The following ISM1 variants were observed in gnomAD, a reference collection of about 807,000 sequenced individuals.
ISM1 encodes isthmin 1, also known as isthmin-1.
A neutral mutation model predicts 46.3 loss-of-function variants in ISM1; 25 were observed. The ratio of observed to expected loss-of-function variants is 0.54; its 90% CI spans 0.39 to 0.75. ISM1 has a LOEUF of 0.75. Among genes scored for constraint, ISM1 ranks in the 30% least tolerant of loss-of-function variants. The pLI is 0.00. For synonymous variants in ISM1, 255 were observed against 256.7 expected, an observed-to-expected ratio of 0.99 and a Z score of 0.06; for missense variants, 536 against 625.4, an observed-to-expected ratio of 0.86 and a Z score of 1.52.
In ISM1 at chr20:13,250,354, C is replaced by G. The variant is rs577869751; in HGVS notation, c.139-20150C>G. On this transcript the variant is annotated intron_variant, in intron 1 of 5. Transcript: ENST00000262487. ...AAACTCCTTTGATAAGGCTCAGAGT[C>G]GATTCAGCTTGCGGAGAATTTCACA... Among the ~76,000 whole-genome samples the G allele has an allele frequency of 7.6e-4, 115 of 152,230 alleles. 1 individual carries two copies. The highest frequency in any genetic ancestry group is 2.6e-3 in the African/African-American group (110 of 41,536).
intron 3 of ISM1, among the ~76,000 whole-genome samples, chr20:13,287,978 A>T (rs60601440): frequency 4.6e-5 from 7 of 152,318 alleles, no homozygotes; most frequent in African/African-American, 1.7e-4. Context: ...AGGCTTGAGA[A>T]GGCTTTGCTC....
Position 13,299,289 on chromosome 20 carries a change from G to T in ISM1, c.1225G>T (p.Glu409Ter). The change falls in exon 6 of 6, where the codon GAG becomes TAG. Residue 409 changes from glutamate to a stop codon, truncating the protein, a stop_gained. Coordinates refer to ENST00000262487, the MANE Select transcript of ISM1 (RefSeq NM_080826.2). LOFTEE classifies it high-confidence loss of function. The surrounding 1 kb of genome is among the most constrained non-coding windows in gnomAD (Gnocchi z 5.8). ...GGGCACGCCCAACCTCATCAGCACCGAGTTCTCCGCGGAGCTCCACTACAA... is the reference window on the plus strand; with the variant it reads ...GGGCACGCCCAACCTCATCAGCACCTAGTTCTCCGCGGAGCTCCACTACAA... The part of the protein sequence containing the change: ...GAGTPNLIST[E>*]FSAELHYKVD... 6.2e-7 allele frequency: 1 copy of T among 1,612,748 alleles called. No individual in the cohort carries two copies. Among genetic ancestry groups the T allele is most frequent in the Non-Finnish European group, 8.5e-7 (1 of 1,179,306 alleles).
intron 1 of ISM1, 123 bp downstream of exon 1, chr20:13,222,037 T>G: frequency 1.0e-6 from 1 of 981,346 alleles, no homozygotes; most frequent in Non-Finnish European, 1.3e-6. Context: ...GAGCAACTGT[T>G]TTGGCAGTAG....
chr20:13,275,150 A>T (rs1350283936), intron 2 of ISM1, among the ~76,000 whole-genome samples: 1 of 152,164 alleles, frequency 6.6e-6, no homozygotes, highest in African/African-American at 2.4e-5. Flanking sequence ...TCAAGTTGAG[A>T]TTAGTATTCA....
chr20:13,257,329 A>T (rs1179515096), intron 1 of ISM1, among the ~76,000 whole-genome samples: 1 of 152,198 alleles, frequency 6.6e-6, no homozygotes, highest in Non-Finnish European at 1.5e-5. Flanking sequence ...AGCCTGGCCA[A>T]CATGGTGAAA....
At chr20:13,260,087 A>G (rs2039971082) in intron 1 of ISM1, among the ~76,000 whole-genome samples, 1 of 152,230 alleles carries the variant, frequency 6.6e-6, no homozygotes, top group Non-Finnish European at 1.5e-5. Context: ...CCAAGCAGGA[A>G]TCACACCATT....
intron 1 of ISM1, among the ~76,000 whole-genome samples, chr20:13,261,617 C>T (rs1441037321): frequency 6.6e-6 from 1 of 152,180 alleles, no homozygotes; most frequent in African/African-American, 2.4e-5. Flanking sequence ...GACCTTGAAA[C>T]TCCTGGCCCC....
intron 4 of ISM1, 25 bp downstream of exon 4, chr20:13,288,708 C>T (rs1388701334): frequency 6.3e-7 from 1 of 1,595,302 alleles, no homozygotes; most frequent in South Asian, 1.1e-5. Context: ...GTGTGTAGCT[C>T]CAAGTTCAAG....
the ISM1 span, among the ~76,000 whole-genome samples, chr20:13,322,069 G>T: frequency 1.3e-5 from 2 of 152,220 alleles, no homozygotes; most frequent in African/African-American, 4.8e-5. Context: ...TTGGCACAGA[G>T]TGTTCAATAA....
chr20:13,297,491 T>A (rs149891082), intron 5 of ISM1, among the ~76,000 whole-genome samples: 230 of 152,348 alleles, frequency 1.5e-3, no homozygotes, highest in African/African-American at 5.3e-3. Flanking sequence ...TCTCAGGGTC[T>A]GGGGTAACCC....
At chr20:13,307,486 C>T in the ISM1 span, among the ~76,000 whole-genome samples, 1 of 152,126 alleles carries the variant, frequency 6.6e-6, no homozygotes, top group Admixed American at 6.5e-5. Context: ...TGTCAAAACT[C>T]ACTGAAGTGT....
intron 3 of ISM1, among the ~76,000 whole-genome samples, chr20:13,284,518 T>C (rs1269857064): frequency 1.3e-5 from 2 of 152,222 alleles, no homozygotes; most frequent in Non-Finnish European, 2.9e-5. Flanking sequence ...CAGTGGCCCC[T>C]GGTAGGTGAG....
the ISM1 span, among the ~76,000 whole-genome samples, chr20:13,321,263 A>AAAAAAAAAAAAAAAAAAAAAAC: frequency 6.6e-6 from 1 of 150,794 alleles, no homozygotes; most frequent in Non-Finnish European, 1.5e-5. Flanking sequence ...TAAAAAAAAA[A>AAAAAAAAAAAAAAAAAAAAAAC]AAAAAAAAAA....
At position 13,221,647 on chromosome 20, in the gene ISM1, C is replaced by T; in HGVS notation, c.-130C>T. 1.5e-5 allele frequency: 11 copies of T among 739,744 alleles called. No homozygotes were observed. Among genetic ancestry groups the T allele is most frequent in the Non-Finnish European group, 2.0e-5 (11 of 563,666 alleles). 45.8% of individuals were successfully genotyped at this position (739,744 alleles called of 1,614,324 possible). ...GCGCCAGCCCCGCGGGCCCGGGAAGCGGAGCCCTGGCGGGAGCCGAGGCGG... is the reference window on the plus strand; with the variant it reads ...GCGCCAGCCCCGCGGGCCCGGGAAGTGGAGCCCTGGCGGGAGCCGAGGCGG... On this transcript the variant is annotated 5_prime_UTR_variant, in exon 1 of 6. Transcript: ENST00000262487.
chr20:13,295,863 G>A (rs567167486), intron 5 of ISM1, among the ~76,000 whole-genome samples: 3 of 152,294 alleles, frequency 2.0e-5, no homozygotes, highest in East Asian at 3.9e-4. Flanking sequence ...AGATCCAAAG[G>A]TGCAACCTGG....
the ISM1 span, among the ~76,000 whole-genome samples, chr20:13,312,595 C>T: frequency 2.0e-5 from 3 of 152,200 alleles, no homozygotes; most frequent in Admixed American, 6.5e-5. Flanking sequence ...TCGCAGCCTG[C>T]TGAATCACAC....
At chr20:13,288,382 T>C (rs1480110235) in intron 3 of ISM1, among the ~76,000 whole-genome samples, 158 bp from the exon 4 acceptor site, 4 of 152,208 alleles carry the variant, frequency 2.6e-5, no homozygotes, top group Non-Finnish European at 5.9e-5. Context: ...AAATGAGCCC[T>C]GGAGCTGTAA....
chr20:13,299,312 C>T lies in ISM1; in HGVS notation c.1248C>T (p.Tyr416=), dbSNP rs1381574696. 1 of 1,613,846 alleles carries T rather than the reference C, an allele frequency of 6.2e-7. No individual in the cohort carries two copies. Among genetic ancestry groups the T allele is most frequent in the Non-Finnish European group, 8.5e-7 (1 of 1,179,800 alleles). Residue 416 remains tyrosine, a synonymous_variant, in exon 6 of 6, where the codon TAC becomes TAT. Transcript: ENST00000262487. This position sits in a 1 kb window ranked among gnomAD's most constrained non-coding sequence, Gnocchi z 5.8. ...ISTEFSAELH[Y]KVDVLPWIIC... ...CCGAGTTCTCCGCGGAGCTCCACTA[C>T]AAGGTGGACGTCCTGCCCTGGATTA...
At chr20:13,302,770 C>T (rs532918602), downstream of ISM1, among the ~76,000 whole-genome samples, 5 of 152,312 alleles carry the variant, frequency 3.3e-5, no homozygotes, top group East Asian at 7.7e-4. Flanking sequence ...AGTGGGCATC[C>T]TGGGTGCCAC....
Sources: gnomAD v4.1 joint callset for allele counts (sites outside exome capture counted in the v4.1 genomes callset) on GRCh38, gnomAD v4.1.1 for gene constraint, Gnocchi (gnomAD v3.1) non-coding constraint, MANE v1.5 for transcripts, NCBI Gene and HGNC (gene_info 2026-07-23, HGNC 2026-07-21) for gene names.